PPFIBP1: variants seen among roughly 807,000 people sequenced by gnomAD.
PPFIBP1 encodes liprin-beta-1.
PPFIBP1 carries 112 observed loss-of-function variants against 137.8 expected under a neutral mutation model. That is an observed-to-expected ratio of 0.81 (90% CI 0.70 to 0.95). The LOEUF (loss-of-function observed/expected upper bound fraction) is 0.95. Ranked by LOEUF, PPFIBP1 falls within the 40% of genes least tolerant of loss-of-function variation. PPFIBP1 has a pLI of 0.00. For synonymous variants in PPFIBP1, 378 were observed against 417.3 expected, an observed-to-expected ratio of 0.91 and a Z score of 1.15; for missense variants, 1,083 against 1,196.6, an observed-to-expected ratio of 0.91 and a Z score of 1.40.
intron 1 of PPFIBP1, among the ~76,000 whole-genome samples, chr12:27,555,350 C>T (rs1565759374): frequency 1.3e-5 from 2 of 152,200 alleles, no homozygotes; most frequent in Non-Finnish European, 2.9e-5. Flanking sequence ...GCTGAAAATG[C>T]TCTGGAGATT....
chr12:27,664,517 T>A, intron 12 of PPFIBP1, 71 bp downstream of exon 12: 1 of 1,030,212 alleles, frequency 9.7e-7, no homozygotes, highest in Non-Finnish European at 1.5e-6. Context: ...ACATTTGGCC[T>A]CAATTTCTTT....
chr12:27,661,557 T>G (rs4931230), intron 11 of PPFIBP1, among the ~76,000 whole-genome samples: 1 of 152,230 alleles, frequency 6.6e-6, no homozygotes, highest in African/African-American at 2.4e-5. Context: ...TGCACGAAAG[T>G]AATGGGTTTC....
At chr12:27,607,916 A>G (rs1312595108) in intron 2 of PPFIBP1, among the ~76,000 whole-genome samples, 1 of 109,914 alleles carries the variant, frequency 9.1e-6, no homozygotes, top group Admixed American at 9.8e-5. Flanking sequence ...ACTATAAATC[A>G]GTTTTTTTCT....
Position 27,568,703 on chromosome 12 carries a change from G to T in PPFIBP1, c.-123-9449G>T, listed in dbSNP as rs112389377. 5.8e-3 allele frequency among the ~76,000 whole-genome samples: 886 copies of T among 152,230 alleles called. 10 individuals are homozygous for T. The highest frequency in any genetic ancestry group is 0.02 in the African/African-American group (833 of 41,522). On this transcript the variant is annotated intron_variant, in intron 1 of 29. Coordinates refer to ENST00000228425, the MANE Select transcript of PPFIBP1 (RefSeq NM_003622.4). ...CTTCCTAAAATTATTTAATGGCTTT[G>T]CTTCCATGACCTGTGTTCTTTCCCA...
At chr12:27,685,230 T>TAC (rs1177134122) in intron 24 of PPFIBP1, among the ~76,000 whole-genome samples, 3 of 149,620 alleles carry the variant, frequency 2.0e-5, no homozygotes, top group Non-Finnish European at 2.9e-5. Context: ...TATATATATA[T>TAC]ACACACACAT....
intron 1 of PPFIBP1, among the ~76,000 whole-genome samples, chr12:27,543,880 C>CTTTTTT (rs35787446): frequency 1.9e-5 from 2 of 105,810 alleles, no homozygotes; most frequent in Non-Finnish European, 3.6e-5. Flanking sequence ...CCCGCCCCTG[C>CTTTTTT]TTTTTTTTTT....
At chr12:27,645,953 G>A in intron 4 of PPFIBP1, 109 bp from the exon 5 acceptor site, 2 of 761,916 alleles carry the variant, frequency 2.6e-6, no homozygotes, top group East Asian at 2.8e-5. Flanking sequence ...TGACAGCTGT[G>A]CAGATTCAAT....
intron 1 of PPFIBP1, among the ~76,000 whole-genome samples, chr12:27,532,899 A>T (rs925242325): frequency 6.6e-6 from 1 of 152,238 alleles, no homozygotes; most frequent in Non-Finnish European, 1.5e-5. Context: ...CTATTGTTTT[A>T]TAAAAATGAC....
intron 24 of PPFIBP1, among the ~76,000 whole-genome samples, chr12:27,685,384 T>G (rs2061145308): frequency 6.6e-6 from 1 of 150,596 alleles, no homozygotes; most frequent in African/African-American, 2.4e-5. Flanking sequence ...GTTGGGTAAC[T>G]TGGTAACCAA....
intron 26 of PPFIBP1, 121 bp downstream of exon 26, chr12:27,688,544 T>C: frequency 8.3e-7 from 1 of 1,201,194 alleles, no homozygotes; most frequent in Non-Finnish European, 1.2e-6. Flanking sequence ...TCCTGCCCTA[T>C]TTCTAGTAAA....
intron 1 of PPFIBP1, among the ~76,000 whole-genome samples, chr12:27,531,797 C>T (rs571676310): frequency 3.3e-5 from 5 of 152,152 alleles, no homozygotes; most frequent in African/African-American, 7.2e-5. Context: ...GCATTTATTC[C>T]GCCTCCTGTC....
chr12:27,544,375 G>T (rs1348365688), intron 1 of PPFIBP1, among the ~76,000 whole-genome samples: 1 of 152,156 alleles, frequency 6.6e-6, no homozygotes, highest in Non-Finnish European at 1.5e-5. Flanking sequence ...GGCAACAAAA[G>T]CCAAAATTGA....
At chr12:27,577,211 A>C (rs1592583212) in intron 1 of PPFIBP1, among the ~76,000 whole-genome samples, 1 of 148,278 alleles carries the variant, frequency 6.7e-6, no homozygotes, top group African/African-American at 2.4e-5. Context: ...CCTTTTCTGA[A>C]GCTTTTTTTT....
chr12:27,670,252 A>T (rs1462752305), intron 13 of PPFIBP1, among the ~76,000 whole-genome samples: 1 of 152,228 alleles, frequency 6.6e-6, no homozygotes, highest in East Asian at 1.9e-4. Flanking sequence ...CTTAGGATGC[A>T]CAAAGCATTT....
At chr12:27,613,718 G>GA (rs927100116) in intron 2 of PPFIBP1, among the ~76,000 whole-genome samples, 6 of 143,880 alleles carry the variant, frequency 4.2e-5, no homozygotes, top group African/African-American at 1.0e-4. Flanking sequence ...AAAAAAAAAA[G>GA]AAAAAAAAAT....
chr12:27,686,451 G>A (rs756687255), intron 24 of PPFIBP1, among the ~76,000 whole-genome samples: 38 of 152,222 alleles, frequency 2.5e-4, no homozygotes, highest in Non-Finnish European at 4.7e-4. Context: ...GCCACAGACT[G>A]GTGAAAATTC....
intron 2 of PPFIBP1, among the ~76,000 whole-genome samples, chr12:27,608,267 A>G (rs1056071734): frequency 3.9e-5 from 6 of 152,240 alleles, no homozygotes; most frequent in Admixed American, 6.5e-5. Flanking sequence ...CAGACAGCAC[A>G]CTGTTCTGAC....
chr12:27,581,636 G>A (rs1263751733), intron 2 of PPFIBP1, among the ~76,000 whole-genome samples: 1 of 152,078 alleles, frequency 6.6e-6, no homozygotes, highest in Non-Finnish European at 1.5e-5. Context: ...TTATTATGTG[G>A]GGATTGGGGT....
At chr12:27,629,537 T>C (rs1403513227) in intron 2 of PPFIBP1, among the ~76,000 whole-genome samples, 1 of 152,198 alleles carries the variant, frequency 6.6e-6, no homozygotes, top group Non-Finnish European at 1.5e-5. Flanking sequence ...CCCAACATAA[T>C]GTTGCATGTA....
Sources: allele counts gnomAD v4.1 joint callset (sites outside exome capture counted in the v4.1 genomes callset), GRCh38; gene constraint gnomAD v4.1.1; transcripts MANE v1.5; gene names NCBI Gene and HGNC (gene_info 2026-07-23, HGNC 2026-07-21).